HDAC9: variants seen among roughly 807,000 people sequenced by gnomAD.
HDAC9 encodes MEF-2 interacting transcription repressor (MITR) protein.
Under a neutral mutation model 139.4 loss-of-function variants are expected in HDAC9, and 41 were observed. The ratio of observed to expected loss-of-function variants is 0.29; its 90% CI spans 0.23 to 0.38. The LOEUF is 0.38. Ranked by LOEUF, HDAC9 falls within the 10% of genes least tolerant of loss-of-function variation. The pLI is 1.00. For synonymous variants in HDAC9, 517 were observed against 476.2 expected (o/e 1.09, Z -1.12); for missense variants, 1,147 against 1,297.0 (o/e 0.88, Z 1.78).
intron 1 of HDAC9, among the ~76,000 whole-genome samples, chr7:18,326,246 G>T (rs1562880350): frequency 6.6e-6 from 1 of 151,930 alleles, no homozygotes. Context: ...TTACTTTCAA[G>T]AACTTAACTT....
chr7:18,741,031 G>C (rs1787399335), intron 13 of HDAC9, among the ~76,000 whole-genome samples: 1 of 152,178 alleles, frequency 6.6e-6, no homozygotes, highest in South Asian at 2.1e-4. Context: ...AGCAGAGGTT[G>C]GCTCTTGAGG....
intron 12 of HDAC9, among the ~76,000 whole-genome samples, chr7:18,707,289 C>T (rs1784002161): frequency 6.6e-6 from 1 of 152,162 alleles, no homozygotes; most frequent in South Asian, 2.1e-4. Context: ...GGTCACTAGT[C>T]ACTTTAAAGA....
chr7:18,100,721 G>A (rs1392244886), intron 1 of HDAC9, among the ~76,000 whole-genome samples: 1 of 151,856 alleles, frequency 6.6e-6, no homozygotes, highest in Non-Finnish European at 1.5e-5. Context: ...TTTAGTTCTT[G>A]GTCAATTTTG....
chr7:18,836,860 T>A (rs988612985), intron 21 of HDAC9, among the ~76,000 whole-genome samples: 1 of 152,042 alleles, frequency 6.6e-6, no homozygotes, highest in African/African-American at 2.4e-5. Flanking sequence ...ATTTTTTATT[T>A]AGTTGAAAGC....
chr7:18,679,091 C>T (rs1372686588), intron 12 of HDAC9, among the ~76,000 whole-genome samples: 1 of 151,864 alleles, frequency 6.6e-6, no homozygotes, highest in Admixed American at 6.6e-5. Context: ...ATAAATCCAG[C>T]TATTCTGGGG....
chr7:18,870,514 G>A (rs1207543025), intron 21 of HDAC9, among the ~76,000 whole-genome samples: 1 of 152,098 alleles, frequency 6.6e-6, no homozygotes, highest in African/African-American at 2.4e-5. Context: ...TCCAATCATA[G>A]GAGATGTTAA....
chr7:18,333,042 T>C (rs1781312916), intron 1 of HDAC9, among the ~76,000 whole-genome samples: 1 of 151,540 alleles, frequency 6.6e-6, no homozygotes, highest in Non-Finnish European at 1.5e-5. Flanking sequence ...AGGTATTAAT[T>C]TGTGTGCCAA....
Position 18,298,005 on chromosome 7 carries a change from C to T in HDAC9, c.-42+7490C>T, listed in dbSNP as rs115562748. 6.4e-3 allele frequency among the ~76,000 whole-genome samples: 981 copies of T among 152,270 alleles called. 12 individuals are homozygous for T. The highest frequency in any genetic ancestry group is 0.022 in the African/African-American group (922 of 41,558). ...GTTACAGCTCTAAATTCGTTTTTCT[C>T]AGAGTCCTGCTACTTACTAATGCTA... On this transcript the variant is annotated intron_variant, in intron 1 of 3. Transcript: ENST00000413509.
chr7:18,617,163 C>G (rs1838846635), intron 6 of HDAC9, among the ~76,000 whole-genome samples: 1 of 152,106 alleles, frequency 6.6e-6, no homozygotes, highest in African/African-American at 2.4e-5. Flanking sequence ...AGCCTCCATT[C>G]CAGTTATTAA....
intron 1 of HDAC9, among the ~76,000 whole-genome samples, chr7:18,309,520 C>T (rs1170217042): frequency 6.6e-6 from 1 of 152,166 alleles, no homozygotes; most frequent in Non-Finnish European, 1.5e-5. Context: ...TAACATCCTT[C>T]CATTCTCCCT....
At chr7:18,553,656 C>T (rs994032996) in intron 2 of HDAC9, among the ~76,000 whole-genome samples, 1 of 152,138 alleles carries the variant, frequency 6.6e-6, no homozygotes, top group Non-Finnish European at 1.5e-5. Flanking sequence ...TTTCACAGAT[C>T]TTGAATGTCT....
chr7:18,711,131 G>C, intron 12 of HDAC9, among the ~76,000 whole-genome samples: 1 of 152,186 alleles, frequency 6.6e-6, no homozygotes, highest in African/African-American at 2.4e-5. Context: ...CTATGCAGTA[G>C]ATACTACTGT....
At chr7:18,632,981 C>G (rs1471482550) in intron 7 of HDAC9, among the ~76,000 whole-genome samples, 1 of 151,942 alleles carries the variant, frequency 6.6e-6, no homozygotes, top group Non-Finnish European at 1.5e-5. Context: ...GAGTTTTACA[C>G]ATATGTAGGG....
At chr7:18,614,302 C>G (rs933180057) in intron 6 of HDAC9, among the ~76,000 whole-genome samples, 1 of 152,162 alleles carries the variant, frequency 6.6e-6, no homozygotes, top group Admixed American at 6.6e-5. Flanking sequence ...ATCCGCCACA[C>G]CGCAAGACTT....
rs546999508 is a variant in HDAC9, at chr7:18,255,982, A to G, written c.25+93633A>G. On this transcript the variant is annotated intron_variant, in intron 2 of 12. Coordinates refer to the HDAC9 transcript ENST00000417496. ...GTGATGTGATTAAGGAAGCATTGAA[A>G]GCACAGTTTAAAAAGCCTTAATTGC... Among the ~76,000 whole-genome samples, 3 of 152,248 alleles carry G rather than the reference A, an allele frequency of 2.0e-5. No individual in the cohort carries two copies. The East Asian group carries it at 5.8e-4, about 29-fold the overall frequency.
At chr7:18,790,450 G>A (rs933792786) in intron 16 of HDAC9, among the ~76,000 whole-genome samples, 3 of 152,048 alleles carry the variant, frequency 2.0e-5, no homozygotes, top group Admixed American at 6.6e-5. Flanking sequence ...AAGCCAAGGG[G>A]AGAGTCCTCA....
chr7:18,214,808 A>G (rs1792183205), intron 2 of HDAC9, among the ~76,000 whole-genome samples: 1 of 152,194 alleles, frequency 6.6e-6, no homozygotes, highest in Non-Finnish European at 1.5e-5. Flanking sequence ...GTAGCAGGAA[A>G]TAAAGCAAAG....
intron 12 of HDAC9, among the ~76,000 whole-genome samples, chr7:18,699,217 C>G (rs1395169829): frequency 6.6e-6 from 1 of 152,070 alleles, no homozygotes; most frequent in Non-Finnish European, 1.5e-5. Context: ...AAGCTTTGTG[C>G]ACAGTCAATA....
At chr7:18,665,851 T>C (rs558144444) in intron 11 of HDAC9, among the ~76,000 whole-genome samples, 1 of 152,238 alleles carries the variant, frequency 6.6e-6, no homozygotes, top group East Asian at 1.9e-4. Context: ...AGAAAAGTAT[T>C]ATTCCCAGGT....
Sources: gnomAD v4.1 joint callset for allele counts (sites outside exome capture counted in the v4.1 genomes callset) on GRCh38, gnomAD v4.1.1 for gene constraint, MANE v1.5 for transcripts, NCBI Gene and HGNC (gene_info 2026-07-23, HGNC 2026-07-21) for gene names.